Variants in MEI1 observed in about 807,000 individuals in gnomAD.
MEI1 encodes the protein meiotic double-stranded break formation protein 1, also known as meiosis inhibitor protein 1.
MEI1 carries 103 observed loss-of-function variants against 146.2 expected under a neutral mutation model. The observed-to-expected ratio is 0.70, with a 90% confidence interval of 0.60 to 0.83. The LOEUF is 0.83. Ranked by LOEUF, MEI1 falls within the 40% of genes least tolerant of loss-of-function variation. The probability of loss-of-function intolerance (pLI) is 0.00; values close to 1 mark genes in which losing one functional copy is unlikely to be tolerated. For missense variants in MEI1, 1,529 were observed against 1,533.0 expected (o/e 1.00, Z 0.04); for synonymous variants, 652 against 628.2 (o/e 1.04, Z -0.57).
intron 22 of MEI1, among the ~76,000 whole-genome samples, chr22:41,779,689 A>G (rs2075656939): frequency 6.6e-6 from 1 of 152,236 alleles, no homozygotes; most frequent in Admixed American, 6.5e-5. Flanking sequence ...GACACACAGT[A>G]GACCTTCAAC....
chr22:41,770,327 C>T (rs529094266), intron 19 of MEI1, among the ~76,000 whole-genome samples: 3 of 151,856 alleles, frequency 2.0e-5, no homozygotes, highest in South Asian at 4.2e-4. Context: ...TTCTTGACCT[C>T]GGCACTATTA....
chr22:41,709,929 A>G (rs2069404853), intron 3 of MEI1, among the ~76,000 whole-genome samples: 1 of 152,044 alleles, frequency 6.6e-6, no homozygotes, highest in Admixed American at 6.6e-5. Context: ...GCAGAGCCCA[A>G]AGTTGCAGGA....
intron 3 of MEI1, among the ~76,000 whole-genome samples, chr22:41,705,798 C>T (rs973546281): frequency 4.0e-5 from 6 of 151,020 alleles, no homozygotes; most frequent in Non-Finnish European, 7.4e-5. Context: ...ACCTCTGCCT[C>T]GCGGGTTCAA....
chr22:41,775,966 T>C, intron 20 of MEI1, 136 bp from the exon 21 acceptor site: 2 of 798,112 alleles, frequency 2.5e-6, no homozygotes, highest in Non-Finnish European at 4.0e-6. Context: ...ACATAATAGG[T>C]GCTGAGTAAG....
Position 41,758,357 on chromosome 22 carries a change from C to G in MEI1, c.1952-8C>G. On this transcript the variant is annotated splice_region_variant and splice_polypyrimidine_tract_variant and intron_variant, in intron 17 of 30. Transcript: ENST00000401548. ...TGTGTGGCTTTCCTCTACTTATTCCCTCCCTAGAACTCTCTGCAGTGTCTG... is the reference window on the plus strand; with the variant it reads ...TGTGTGGCTTTCCTCTACTTATTCCGTCCCTAGAACTCTCTGCAGTGTCTG... 1 of 1,606,354 alleles carries G rather than the reference C, an allele frequency of 6.2e-7. No homozygotes were observed. Among genetic ancestry groups the G allele is most frequent in the East Asian group, 2.2e-5 (1 of 44,652 alleles).
intron 17 of MEI1, 55 bp downstream of exon 17, chr22:41,754,101 G>T: frequency 7.5e-7 from 1 of 1,334,218 alleles, no homozygotes. Context: ...TTAGAGTCTG[G>T]GTGCCTTGCT....
chr22:41,793,155 G>A (rs748942771), intron 26 of MEI1, among the ~76,000 whole-genome samples: 1 of 142,080 alleles, frequency 7.0e-6, no homozygotes, highest in Admixed American at 7.7e-5. Context: ...ATCTGCCTCA[G>A]CCGCCCAAGT....
chr22:41,751,642 C>T (rs1358564623), intron 15 of MEI1, among the ~76,000 whole-genome samples: 5 of 151,938 alleles, frequency 3.3e-5, no homozygotes, highest in African/African-American at 1.2e-4. Flanking sequence ...CGTGGTGGCG[C>T]GTGGCTGTAA....
chr22:41,744,963 C>T lies in MEI1; in HGVS notation c.1447-10C>T. 2 of 1,526,220 alleles carry T rather than the reference C, an allele frequency of 1.3e-6. No individual in the cohort carries two copies. Among genetic ancestry groups the T allele is most frequent in the South Asian group, 1.3e-5 (1 of 79,438 alleles). 94.5% of individuals were successfully genotyped at this position (1,526,220 alleles called of 1,614,324 possible). On this transcript the variant is annotated splice_polypyrimidine_tract_variant and intron_variant, in intron 12 of 30. Transcript: ENST00000401548. ...GATCACTAGGTTCCTGTCTCTCCTT[C>T]CCACCTCAGGGCCATGCCTCCAGTA... is the stretch of plus-strand genomic sequence containing the variant.
intron 26 of MEI1, among the ~76,000 whole-genome samples, chr22:41,788,653 C>A (rs1251278652): frequency 6.6e-6 from 1 of 151,962 alleles, no homozygotes; most frequent in Non-Finnish European, 1.5e-5. Context: ...GTTGGCCAGG[C>A]TGGTCTCAAA....
intron 19 of MEI1, among the ~76,000 whole-genome samples, chr22:41,769,476 A>AT (rs11407966): frequency 0.65 from 95,630 of 148,138 alleles, 33,232 homozygotes; most frequent in East Asian, 0.91. Flanking sequence ...ATATTAAGGA[A>AT]TTTTTTTTTT....
At chr22:41,732,675 G>A in intron 11 of MEI1, 72 bp downstream of exon 11, 1 of 1,491,632 alleles carries the variant, frequency 6.7e-7, no homozygotes, top group Non-Finnish European at 9.0e-7. Flanking sequence ...CAGGGTAGCG[G>A]ATATTTAAGT....
chr22:41,726,050 C>T (rs1307410361), intron 7 of MEI1, among the ~76,000 whole-genome samples: 2 of 152,104 alleles, frequency 1.3e-5, no homozygotes, highest in African/African-American at 2.4e-5. Flanking sequence ...GAGACCGGGA[C>T]GGGTGGATCA....
Position 41,776,229 on chromosome 22 carries a change from A to C in MEI1, c.2672A>C (p.Gln891Pro), listed in dbSNP as rs956781246. 3.7e-6 allele frequency: 6 copies of C among 1,613,780 alleles called. No homozygotes were observed. Among genetic ancestry groups the C allele is most frequent in the Non-Finnish European group, 5.1e-6 (6 of 1,179,880 alleles). ...LIRGHFLLIL[Q>P]RLLVEHGASP... Reference sequence around the variant, plus strand: ...CGAGGCCACTTCCTGCTGATCCTGCAGCGTCTGCTAGTGGAGCATGGGGCA... The same window carrying C: ...CGAGGCCACTTCCTGCTGATCCTGCCGCGTCTGCTAGTGGAGCATGGGGCA... Residue 891 changes from glutamine to proline, a missense_variant, in exon 21 of 31, where the codon CAG becomes CCG. Transcript: ENST00000401548.
Position 41,753,990 on chromosome 22 carries a change from A to G in MEI1, c.1895A>G (p.Tyr632Cys), listed in dbSNP as rs201405312. The G allele has an allele frequency of 2.2e-4, 361 of 1,613,542 alleles. 1 individual carries two copies. Among genetic ancestry groups the G allele is most frequent in the Admixed American group, 8.3e-4 (50 of 59,986 alleles). The stretch of plus-strand genomic sequence containing the variant: ...CAGGTGTGTTCCAATTTCCTCTACT[A>G]TATGTGCCTCAACCTTCTCTCAGCT... Reference protein sequence around the residue: ...LNQVCSNFLYYMCLNLLSAPE... With the variant: ...LNQVCSNFLYCMCLNLLSAPE... The change falls in exon 17 of 31, where the codon TAT becomes TGT. Residue 632 changes from tyrosine (Y) to cysteine (C), a missense_variant. This residue lies in a region of MEI1 where 1,212 missense variants were observed against 1,178.9 expected (regional missense o/e 1.03). Coordinates refer to ENST00000401548, the MANE Select transcript of MEI1 (RefSeq NM_152513.4).
intron 5 of MEI1, among the ~76,000 whole-genome samples, chr22:41,716,595 T>C (rs1807668): frequency 0.83 from 126,350 of 151,502 alleles, 53,640 homozygotes; most frequent in African/African-American, 0.95. Context: ...AGGCTGGTCT[T>C]GACCTCCCAA....
chr22:41,720,359 T>C (rs766997797), intron 6 of MEI1, among the ~76,000 whole-genome samples: 12 of 152,098 alleles, frequency 7.9e-5, no homozygotes, highest in Non-Finnish European at 1.3e-4. Flanking sequence ...GTCCTACAGC[T>C]CACCTAACCA....
intron 26 of MEI1, among the ~76,000 whole-genome samples, 172 bp downstream of exon 26, chr22:41,784,955 A>ATTTATTTATT (rs2075904650): frequency 4.2e-5 from 5 of 119,406 alleles, no homozygotes; most frequent in African/African-American, 2.1e-4. Context: ...ATTTATTTAG[A>ATTTATTTATT]GACAGAGTTT....
At chr22:41,794,072 A>G in intron 27 of MEI1, 162 bp downstream of exon 27, 1 of 718,506 alleles carries the variant, frequency 1.4e-6, no homozygotes, top group Non-Finnish European at 2.3e-6. Context: ...CATTATACAG[A>G]TGGGATCAAT....
Sources: allele counts gnomAD v4.1 joint callset (sites outside exome capture counted in the v4.1 genomes callset), GRCh38; gene constraint gnomAD v4.1.1; regional missense constraint gnomAD v4.1.1; transcripts MANE v1.5; gene names NCBI Gene and HGNC (gene_info 2026-07-23, HGNC 2026-07-21).